Variants in VDAC2 observed in about 807,000 individuals in gnomAD.
VDAC2 encodes voltage dependent anion channel 2.
In VDAC2, 6 loss-of-function variants were observed where a neutral mutation model predicts 36.6. That is an observed-to-expected ratio of 0.16 (90% CI 0.09 to 0.32). The LOEUF is 0.32. Among genes scored for constraint, VDAC2 ranks in the 10% least tolerant of loss-of-function variants. The pLI is 1.00. For missense variants in VDAC2, 247 were observed against 346.0 expected (o/e 0.71, Z 2.27); for synonymous variants, 109 against 123.8 (o/e 0.88, Z 0.79).
At chr10:75,214,382 A>G (rs569256329) in intron 4 of VDAC2, among the ~76,000 whole-genome samples, 1 of 152,372 alleles carries the variant, frequency 6.6e-6, no homozygotes, top group African/African-American at 2.4e-5. Flanking sequence ...CCCTTTGTCA[A>G]CAATGCTCGT....
chr10:75,226,463 T>G (rs997056787), intron 8 of VDAC2, among the ~76,000 whole-genome samples: 24 of 149,022 alleles, frequency 1.6e-4, no homozygotes, highest in Non-Finnish European at 3.1e-4. Context: ...TTTTTTTTTT[T>G]TTTTTTTTTT....
chr10:75,220,124 C>T (rs1377839421), intron 6 of VDAC2, among the ~76,000 whole-genome samples: 1 of 147,510 alleles, frequency 6.8e-6, no homozygotes, highest in Non-Finnish European at 1.5e-5. Context: ...CCGCTCGCAG[C>T]CTGTTTGTTT....
chr10:75,218,796 G>C (rs1841695233), intron 4 of VDAC2, among the ~76,000 whole-genome samples: 2 of 152,046 alleles, frequency 1.3e-5, no homozygotes, highest in South Asian at 4.1e-4. Flanking sequence ...GTTCACTTGA[G>C]AATTCACTAC....
Position 75,222,452 on chromosome 10 carries a change from T to G in VDAC2, c.735+50T>G, listed in dbSNP as rs1224926842. On this transcript the variant is annotated intron_variant, in intron 8 of 9. Transcript: ENST00000332211. ...TGGGGGTTTTGGTTGTGGGAATGAG[T>G]CTTTGGGTATACTGAATTATGTTGA... The G allele has an allele frequency of 3.7e-6, 6 of 1,600,886 alleles. No homozygotes were observed. The South Asian group carries it at 6.7e-5, about 18-fold the overall frequency.
intron 3 of VDAC2, among the ~76,000 whole-genome samples, chr10:75,212,514 C>T (rs190370232): frequency 6.6e-6 from 1 of 152,242 alleles, no homozygotes; most frequent in East Asian, 1.9e-4. Flanking sequence ...TGGGCTCAAG[C>T]GATCATCTTT....
At chr10:75,218,983 T>A (rs1841705121) in intron 4 of VDAC2, 80 bp from the exon 5 acceptor site, 30 of 1,347,932 alleles carry the variant, frequency 2.2e-5, no homozygotes, top group Non-Finnish European at 3.0e-5. Flanking sequence ...TCAGGGGGTT[T>A]GTGTGTGTGT....
At chr10:75,212,363 G>A (rs1339732030) in intron 3 of VDAC2, 65 bp downstream of exon 3, 13 of 1,378,562 alleles carry the variant, frequency 9.4e-6, no homozygotes, top group South Asian at 8.6e-5. Flanking sequence ...GTTGCTTAGC[G>A]AAATCAGATC....
At chr10:75,222,908 T>G (rs1390995464) in intron 8 of VDAC2, among the ~76,000 whole-genome samples, 1 of 151,700 alleles carries the variant, frequency 6.6e-6, no homozygotes, top group African/African-American at 2.4e-5. Context: ...TGTCTCAGCC[T>G]CCCAAAGGAG....
rs1324195886 is a variant in VDAC2, at chr10:75,218,179, C to T, written c.151-884C>T. ...GGATTGGCACATTATTATTTTTAGA[C>T]AGGGTCTCACTGTGTCACCCATGCT... On this transcript the variant is annotated intron_variant, in intron 4 of 9. Transcript: ENST00000332211. 2.6e-5 allele frequency: 9 copies of T among 340,760 alleles called. No individual in the cohort carries two copies. The Admixed American group carries it at 3.5e-4, about 13-fold the overall frequency. 21.1% of individuals were successfully genotyped at this position (340,760 alleles called of 1,614,324 possible).
At chr10:75,220,095 G>C (rs1426903539) in intron 6 of VDAC2, among the ~76,000 whole-genome samples, 1 of 146,052 alleles carries the variant, frequency 6.8e-6, no homozygotes, top group Non-Finnish European at 1.5e-5. Context: ...CAAAGTGCTG[G>C]GATTACAGGT....
At chr10:75,211,213 G>T (rs375898990) in intron 2 of VDAC2, 24 bp downstream of exon 2, 50 of 1,611,188 alleles carry the variant, frequency 3.1e-5, no homozygotes, top group African/African-American at 4.0e-5. Context: ...GGATCTCTGC[G>T]GGATGGGGCG....
rs181590556 is a variant in VDAC2 at position 75,228,021 on chromosome 10, A to G, written c.736-1623A>G. Among the ~76,000 whole-genome samples, 1,275 of 151,156 alleles carry G rather than the reference A, an allele frequency of 8.4e-3. 20 individuals carry two copies. Among genetic ancestry groups the G allele is most frequent in the African/African-American group, 0.028 (1,147 of 41,056 alleles). ...GCCTTTCTCCTGCCTTAGCCTCCCGAGTAGCTGGGACTATAGGTGCCCACC... is the reference window on the plus strand; with the variant it reads ...GCCTTTCTCCTGCCTTAGCCTCCCGGGTAGCTGGGACTATAGGTGCCCACC... On this transcript the variant is annotated intron_variant, in intron 8 of 9. Transcript: ENST00000332211.
intron 4 of VDAC2, among the ~76,000 whole-genome samples, chr10:75,217,186 G>C (rs1841631943): frequency 1.3e-5 from 2 of 152,270 alleles, no homozygotes; most frequent in Non-Finnish European, 2.9e-5. Flanking sequence ...GAGCCCAGGA[G>C]TTTGAGGCTG....
chr10:75,223,587 T>C (rs1466243307), intron 8 of VDAC2, among the ~76,000 whole-genome samples: 4 of 152,172 alleles, frequency 2.6e-5, no homozygotes, highest in Non-Finnish European at 5.9e-5. Context: ...CCTTGTGATA[T>C]TAGGAAGTAT....
chr10:75,228,715 G>A (rs970036026), intron 8 of VDAC2, among the ~76,000 whole-genome samples: 1 of 152,174 alleles, frequency 6.6e-6, no homozygotes, highest in Non-Finnish European at 1.5e-5. Context: ...TATAGACATC[G>A]AATCATTTGG....
At chr10:75,226,087 C>T (rs1172233509) in intron 8 of VDAC2, among the ~76,000 whole-genome samples, 1 of 152,172 alleles carries the variant, frequency 6.6e-6, no homozygotes, top group Non-Finnish European at 1.5e-5. Flanking sequence ...GCCACTGCGC[C>T]CATCCTAGTT....
At chr10:75,213,515 C>A (rs1169800638) in intron 3 of VDAC2, among the ~76,000 whole-genome samples, 3 of 152,036 alleles carry the variant, frequency 2.0e-5, no homozygotes, top group African/African-American at 7.2e-5. Flanking sequence ...GAGGCCGAGG[C>A]GGGCAGATCA....
chr10:75,222,122 T>G, intron 7 of VDAC2, 130 bp from the exon 8 acceptor site: 3 of 1,001,864 alleles, frequency 3.0e-6, no homozygotes, highest in Non-Finnish European at 4.3e-6. Context: ...AACTTGCAAG[T>G]TTTCAGTGGA....
chr10:75,217,709 G>T (rs551687114), intron 4 of VDAC2, among the ~76,000 whole-genome samples: 1 of 152,234 alleles, frequency 6.6e-6, no homozygotes, highest in Admixed American at 6.5e-5. Flanking sequence ...GGTATTGAGG[G>T]CTATGCTTTG....
Sources: gnomAD v4.1 joint callset for allele counts (sites outside exome capture counted in the v4.1 genomes callset) on GRCh38, gnomAD v4.1.1 for gene constraint, MANE v1.5 for transcripts, NCBI Gene and HGNC (gene_info 2026-07-23, HGNC 2026-07-21) for gene names.